Variants in ARSB observed in about 807,000 individuals in gnomAD.
The protein encoded by ARSB is arylsulfatase B, also known as N-acetylgalactosamine-4-sulfatase.
Under a neutral mutation model 50.9 loss-of-function variants are expected in ARSB, and 41 were observed. The ratio of observed to expected loss-of-function variants is 0.81; its 90% CI spans 0.63 to 1.04. The LOEUF (loss-of-function observed/expected upper bound fraction) is 1.04, where lower values mean the gene tolerates loss of function less well. Among genes scored for constraint, ARSB ranks in the 50% least tolerant of loss-of-function variants. The pLI, the probability that ARSB is intolerant of heterozygous loss-of-function variation, is 0.00. For synonymous variants in ARSB, 269 were observed against 284.8 expected, an observed-to-expected ratio of 0.94 and a Z score of 0.56; for missense variants, 672 against 693.3, an observed-to-expected ratio of 0.97 and a Z score of 0.35.
At chr5:78,958,366 A>G (rs1040182777) in intron 3 of ARSB, among the ~76,000 whole-genome samples, 20 of 152,184 alleles carry the variant, frequency 1.3e-4, no homozygotes, top group African/African-American at 4.8e-4. Flanking sequence ...GGTGATTCCC[A>G]GCCAGCAATT....
intron 5 of ARSB, among the ~76,000 whole-genome samples, chr5:78,874,466 T>C (rs1042359770): frequency 6.6e-6 from 1 of 152,098 alleles, no homozygotes; most frequent in African/African-American, 2.4e-5. Flanking sequence ...GTCATTTAAA[T>C]GTGACAAACC....
intron 4 of ARSB, among the ~76,000 whole-genome samples, chr5:78,938,291 T>C (rs1396239016): frequency 2.6e-5 from 4 of 152,242 alleles, no homozygotes; most frequent in Non-Finnish European, 5.9e-5. Context: ...AACAAATTAG[T>C]ACCTATTACT....
At chr5:78,892,784 G>C (rs1748375113) in intron 4 of ARSB, among the ~76,000 whole-genome samples, 2 of 152,108 alleles carry the variant, frequency 1.3e-5, no homozygotes, top group African/African-American at 2.4e-5. Flanking sequence ...TATTCGTAGG[G>C]GTTTAAAATG....
At chr5:78,872,258 C>T (rs1040375782) in intron 5 of ARSB, among the ~76,000 whole-genome samples, 7 of 151,658 alleles carry the variant, frequency 4.6e-5, no homozygotes, top group East Asian at 1.9e-4. Context: ...GTCAGTGTGG[C>T]GATTCCTCAG....
At chr5:78,955,682 C>G (rs567773557) in intron 3 of ARSB, among the ~76,000 whole-genome samples, 180 bp from the exon 4 acceptor site, 1 of 152,232 alleles carries the variant, frequency 6.6e-6, no homozygotes, top group South Asian at 2.1e-4. Flanking sequence ...ATATAAAGAA[C>G]CCTTACAACT....
At position 78,867,738 on chromosome 5, in the gene ARSB, T is replaced by C. The variant is rs561239614; in HGVS notation, c.1142+17846A>G. Reference sequence around the variant, plus strand: ...AAAACAGAACAGAAAAACTGGGAACTCTAAAACGCAGAGCGCCTCTCCTCC... The same window carrying C: ...AAAACAGAACAGAAAAACTGGGAACCCTAAAACGCAGAGCGCCTCTCCTCC... On this transcript the variant is annotated intron_variant, in intron 5 of 7. Coordinates refer to ENST00000264914, the MANE Select transcript of ARSB (RefSeq NM_000046.5). 4.1e-3 allele frequency among the ~76,000 whole-genome samples: 621 copies of C among 151,760 alleles called. 8 individuals are homozygous for C. Among genetic ancestry groups the C allele is most frequent in the African/African-American group, 0.014 (587 of 41,416 alleles).
intron 6 of ARSB, among the ~76,000 whole-genome samples, chr5:78,829,161 A>C (rs1156441728): frequency 6.6e-6 from 1 of 152,274 alleles, no homozygotes; most frequent in Non-Finnish European, 1.5e-5. Flanking sequence ...TAGTCCAGTG[A>C]GACCCATGTC....
intron 5 of ARSB, among the ~76,000 whole-genome samples, chr5:78,858,972 A>G (rs747742274): frequency 2.6e-5 from 4 of 152,378 alleles, no homozygotes; most frequent in East Asian, 3.9e-4. Context: ...AAGGAAATCA[A>G]TGCTTAAAGA....
chr5:78,809,248 A>T (rs1354235740), intron 6 of ARSB, among the ~76,000 whole-genome samples: 1 of 152,250 alleles, frequency 6.6e-6, no homozygotes, highest in Non-Finnish European at 1.5e-5. Context: ...GGTGGTGGTC[A>T]GAGCGGCTGG....
rs574303540 is a variant in ARSB at position 78,961,478 on chromosome 5, C to T, written c.690+2938G>A. ...CTGGCAATTTCCAAACAGTTACCTACGAACAGCGGCTATGGTAATAACACT... is the reference window on the plus strand; with the variant it reads ...CTGGCAATTTCCAAACAGTTACCTATGAACAGCGGCTATGGTAATAACACT... On this transcript the variant is annotated intron_variant, in intron 3 of 7. Transcript: ENST00000264914. Among the ~76,000 whole-genome samples, 38 of 152,250 alleles carry T rather than the reference C, an allele frequency of 2.5e-4. No homozygotes were observed. In the South Asian group the frequency reaches 6.0e-3, roughly 24 times the overall value.
intron 4 of ARSB, among the ~76,000 whole-genome samples, chr5:78,920,743 T>G (rs1009972355): frequency 6.6e-6 from 1 of 152,118 alleles, no homozygotes; most frequent in Non-Finnish European, 1.5e-5. Context: ...CAGCTCCTCA[T>G]AGATCACCAT....
At chr5:78,838,056 T>G (rs1399762585) in intron 6 of ARSB, among the ~76,000 whole-genome samples, 1 of 152,164 alleles carries the variant, frequency 6.6e-6, no homozygotes, top group Non-Finnish European at 1.5e-5. Context: ...ACTGAGTGCC[T>G]AGCAAGCTCC....
intron 4 of ARSB, among the ~76,000 whole-genome samples, chr5:78,947,947 C>T (rs1179215360): frequency 6.6e-6 from 1 of 152,168 alleles, no homozygotes; most frequent in African/African-American, 2.4e-5. Context: ...GAGTACTATT[C>T]AGTCACATAA....
At chr5:78,959,659 C>T (rs1053018744) in intron 3 of ARSB, among the ~76,000 whole-genome samples, 3 of 152,166 alleles carry the variant, frequency 2.0e-5, no homozygotes, top group African/African-American at 7.2e-5. Context: ...GACTGATGCA[C>T]ATTTTAGATA....
intron 6 of ARSB, among the ~76,000 whole-genome samples, chr5:78,831,608 A>G (rs1439368394): frequency 6.6e-6 from 1 of 152,176 alleles, no homozygotes; most frequent in Non-Finnish European, 1.5e-5. Context: ...GACCTGCGAA[A>G]TCAGTAGGAC....
chr5:78,855,239 G>A lies in ARSB; in HGVS notation c.1143-15813C>T, dbSNP rs563678508. On this transcript the variant is annotated intron_variant, in intron 5 of 7. Transcript: ENST00000264914. Reference sequence around the variant, plus strand: ...TCCCCAGAGGGTGATGTGTCATTTCGGCTTGAGTCCAACAGGTATGACTGC... The same window carrying A: ...TCCCCAGAGGGTGATGTGTCATTTCAGCTTGAGTCCAACAGGTATGACTGC... 2.0e-4 allele frequency among the ~76,000 whole-genome samples: 30 copies of A among 152,284 alleles called. 1 individual carries two copies. In the South Asian group the frequency reaches 5.6e-3, roughly 28 times the overall value.
At chr5:78,788,972 T>C (rs1749169631) in intron 6 of ARSB, among the ~76,000 whole-genome samples, 1 of 152,090 alleles carries the variant, frequency 6.6e-6, no homozygotes, top group South Asian at 2.1e-4. Context: ...CTAATATATA[T>C]AGTTTGAAAT....
At chr5:78,806,657 G>A (rs1743577849) in intron 6 of ARSB, among the ~76,000 whole-genome samples, 1 of 152,204 alleles carries the variant, frequency 6.6e-6, no homozygotes, top group South Asian at 2.1e-4. Flanking sequence ...ACATTGACCT[G>A]ATGACATTCT....
chr5:78,842,461 C>T (rs935446775), intron 5 of ARSB, among the ~76,000 whole-genome samples: 1 of 152,058 alleles, frequency 6.6e-6, no homozygotes, highest in Non-Finnish European at 1.5e-5. Flanking sequence ...AAGAGCATGC[C>T]CCAGACCCTG....
Sources: allele counts gnomAD v4.1 joint callset (sites outside exome capture counted in the v4.1 genomes callset), GRCh38; gene constraint gnomAD v4.1.1; transcripts MANE v1.5; gene names NCBI Gene and HGNC (gene_info 2026-07-23, HGNC 2026-07-21).